Variants in RAD21 observed in about 807,000 individuals in gnomAD.
RAD21 encodes double-strand-break repair protein rad21 homolog.
Under a neutral mutation model 71.5 loss-of-function variants are expected in RAD21, and 18 were observed. The observed-to-expected ratio is 0.25, with a 90% CI of 0.17 to 0.37. RAD21 has a LOEUF of 0.37. Among genes scored for constraint, RAD21 ranks in the 10% least tolerant of loss-of-function variants. RAD21 has a pLI of 1.00. For missense variants in RAD21, 493 were observed against 769.1 expected (o/e 0.64, Z 4.25); for synonymous variants, 248 against 254.0 (o/e 0.98, Z 0.22).
At chr8:116,850,491 T>G in intron 12 of RAD21, 127 bp downstream of exon 12, 1 of 1,415,780 alleles carries the variant, frequency 7.1e-7, no homozygotes, top group African/African-American at 1.4e-5. Context: ...TGGTAAAATT[T>G]TGCTTATATT....
Position 116,856,385 on chromosome 8 carries a change from G to C in RAD21, c.815-97C>G, listed in dbSNP as rs539702950. 26 of 1,335,926 alleles carry C rather than the reference G, an allele frequency of 1.9e-5. No individual in the cohort carries two copies. The East Asian group carries it at 6.0e-4, about 31-fold the overall frequency. 82.8% of individuals were successfully genotyped at this position (1,335,926 alleles called of 1,614,324 possible). A position where few individuals can be genotyped will look rare whatever the true frequency, so the allele number is the denominator to read the frequency against. ...AGGAGAAAAATCTCTTCATGAAATG[G>C]AAAGAAATCCTGTTATTACTAAGAA... On this transcript the variant is annotated intron_variant, in intron 7 of 13. Transcript: ENST00000297338.
rs768674798 is a variant in RAD21 at position 116,854,238 on chromosome 8, A to G, written c.1161+7T>C. 16 of 1,599,448 alleles carry G rather than the reference A, an allele frequency of 1.0e-5. No individual in the cohort carries two copies. Among genetic ancestry groups the G allele is most frequent in the East Asian group, 6.7e-5 (3 of 44,804 alleles). ...ATATGAAGTAAAAATTCTGCAAACT[A>G]TATTACCTTCAGTAGTCTGTTATTC... On this transcript the variant is annotated splice_region_variant and intron_variant, in intron 9 of 13. Coordinates refer to ENST00000297338, the MANE Select transcript of RAD21 (RefSeq NM_006265.3).
chr8:116,851,735 T>C (rs1812351997), intron 11 of RAD21: 2 of 438,310 alleles, frequency 4.6e-6, no homozygotes. Context: ...GCAATACTAT[T>C]CAAAAAGAGT....
chr8:116,863,330 T>C, intron 2 of RAD21, 71 bp from the exon 3 acceptor site: 2 of 1,508,566 alleles, frequency 1.3e-6, no homozygotes, highest in South Asian at 1.3e-5. Flanking sequence ...TTTTATCTTT[T>C]TCCTTTAAAG....
At chr8:116,856,963 C>T (rs1297791453) in intron 6 of RAD21, among the ~76,000 whole-genome samples, 192 bp from the exon 7 acceptor site, 1 of 150,156 alleles carries the variant, frequency 6.7e-6, no homozygotes. Flanking sequence ...TCTCATTCTT[C>T]ATTTGTATTT....
chr8:116,850,789 C>A (rs750597892), intron 11 of RAD21, 22 bp from the exon 12 acceptor site: 2 of 1,477,548 alleles, frequency 1.4e-6, no homozygotes, highest in Non-Finnish European at 1.9e-6. Flanking sequence ...ACAAATAAGA[C>A]AATTTAAGAT....
At chr8:116,850,476 G>A in intron 12 of RAD21, 142 bp downstream of exon 12, 1 of 1,342,872 alleles carries the variant, frequency 7.4e-7, no homozygotes, top group Non-Finnish European at 1.0e-6. Context: ...ATACCACGAA[G>A]AATATGGTAA....
chr8:116,872,073 G>A (rs572583493), intron 1 of RAD21, among the ~76,000 whole-genome samples: 3 of 151,824 alleles, frequency 2.0e-5, no homozygotes, highest in Admixed American at 2.0e-4. Flanking sequence ...TGGAGGGGGG[G>A]ACAAAAAAAC....
chr8:116,873,624 C>G (rs1017387621), intron 1 of RAD21, among the ~76,000 whole-genome samples: 21 of 146,318 alleles, frequency 1.4e-4, no homozygotes, highest in African/African-American at 5.1e-4. Context: ...AGAAACTCTT[C>G]GCACAAACGC....
At chr8:116,864,814 CAT>C (rs1193706020) in intron 2 of RAD21, among the ~76,000 whole-genome samples, 2 of 152,006 alleles carry the variant, frequency 1.3e-5, no homozygotes, top group African/African-American at 2.4e-5. Context: ...TGAGGTATGG[CAT>C]ATGTTTTTGA....
chr8:116,869,444 G>A (rs562232140), intron 1 of RAD21, among the ~76,000 whole-genome samples: 1 of 152,316 alleles, frequency 6.6e-6, no homozygotes, highest in South Asian at 2.1e-4. Flanking sequence ...AAACTGCTAC[G>A]TGTGGTGGCA....
Position 116,863,274 on chromosome 8 carries a change from T to G in RAD21, c.145-15A>C. The G allele has an allele frequency of 6.3e-7, 1 of 1,599,748 alleles. No individual in the cohort carries two copies. ...GCCATTTTCACCTATGAATAAAACA[T>G]TAATCATATTCCAAAACCTGCATTT... On this transcript the variant is annotated splice_polypyrimidine_tract_variant and intron_variant, in intron 2 of 13. Transcript: ENST00000297338.
intron 9 of RAD21, among the ~76,000 whole-genome samples, chr8:116,853,145 C>T (rs980577424): frequency 2.6e-5 from 4 of 152,122 alleles, no homozygotes; most frequent in African/African-American, 9.7e-5. Context: ...GTGGCACAAT[C>T]TCAGCTCATT....
Position 116,874,717 on chromosome 8 carries a change from G to C in RAD21, c.-139C>G. Reference sequence around the variant, plus strand: ...AGCCCTTGCGAGGTGTAGCTTCCGAGCAGCTCCCGCCGCCGCCACAGCCGG... The same window carrying C: ...AGCCCTTGCGAGGTGTAGCTTCCGACCAGCTCCCGCCGCCGCCACAGCCGG... On this transcript the variant is annotated 5_prime_UTR_variant, in exon 1 of 14. Transcript: ENST00000297338. 2.2e-6 allele frequency: 1 copy of C among 448,854 alleles called. No homozygotes were observed. Among genetic ancestry groups the C allele is most frequent in the Non-Finnish European group, 4.5e-6 (1 of 223,134 alleles). 27.8% of individuals were successfully genotyped at this position (448,854 alleles called of 1,614,324 possible). A position where few individuals can be genotyped will look rare whatever the true frequency, so the allele number is the denominator to read the frequency against.
At chr8:116,864,372 G>T (rs1409846366) in intron 2 of RAD21, among the ~76,000 whole-genome samples, 1 of 152,050 alleles carries the variant, frequency 6.6e-6, no homozygotes, top group African/African-American at 2.4e-5. Flanking sequence ...AAAAGAAAAT[G>T]TTGTATTTTA....
chr8:116,859,075 T>C (rs1028920912), intron 4 of RAD21, among the ~76,000 whole-genome samples: 2 of 149,882 alleles, frequency 1.3e-5, no homozygotes, highest in African/African-American at 5.0e-5. Context: ...TTGTAGACTT[T>C]GTTTAGCCTC....
rs1220625155 is a variant in RAD21 at position 116,850,613 on chromosome 8, T to C, written c.1620+5A>G. 1 of 1,607,862 alleles carries C rather than the reference T, an allele frequency of 6.2e-7. No individual in the cohort carries two copies. ...ATCTGGAATGAAAATTATTAATTAG[T>C]TTACCTCTTCCTCTTCATCATCTTC... On this transcript the variant is annotated splice_donor_5th_base_variant and intron_variant, in intron 12 of 13. Transcript: ENST00000297338.
At chr8:116,848,474 C>G (rs1472811222) in intron 13 of RAD21, among the ~76,000 whole-genome samples, 2 of 152,146 alleles carry the variant, frequency 1.3e-5, no homozygotes, top group Non-Finnish European at 2.9e-5. Flanking sequence ...AAACCTTGAG[C>G]AACTTGCTTG....
At chr8:116,866,398 T>A (rs1563693816) in intron 2 of RAD21, among the ~76,000 whole-genome samples, 188 bp downstream of exon 2, 1 of 152,138 alleles carries the variant, frequency 6.6e-6, no homozygotes, top group Non-Finnish European at 1.5e-5. Flanking sequence ...GAGATTTTTT[T>A]TAAAATCTAA....
Sources: gnomAD v4.1 joint callset for allele counts (sites outside exome capture counted in the v4.1 genomes callset) on GRCh38, gnomAD v4.1.1 for gene constraint, MANE v1.5 for transcripts, NCBI Gene and HGNC (gene_info 2026-07-23, HGNC 2026-07-21) for gene names.